AGMO: variants seen among roughly 807,000 people sequenced by gnomAD.
The protein encoded by AGMO is alkylglycerol monooxygenase.
Under a neutral mutation model 60.2 loss-of-function variants are expected in AGMO, and 75 were observed. That is an observed-to-expected ratio of 1.25 (90% CI 1.03 to 1.51). AGMO has a LOEUF of 1.51. Ranked by LOEUF, AGMO falls within the 40% of genes most tolerant of loss-of-function variation. The pLI, the probability that AGMO is intolerant of heterozygous loss-of-function variation, is 0.00. For synonymous variants in AGMO, 261 were observed against 177.1 expected, an observed-to-expected ratio of 1.47 and a Z score of -3.76; for missense variants, 763 against 525.5, an observed-to-expected ratio of 1.45 and a Z score of -4.42.
chr7:15,505,502 C>T (rs1160025998), intron 3 of AGMO, among the ~76,000 whole-genome samples: 1 of 152,024 alleles, frequency 6.6e-6, no homozygotes, highest in Non-Finnish European at 1.5e-5. Context: ...ATTCCTATAT[C>T]ATTCTAATGA....
At chr7:15,439,936 A>G (rs1209597095) in intron 3 of AGMO, among the ~76,000 whole-genome samples, 1 of 152,092 alleles carries the variant, frequency 6.6e-6, no homozygotes, top group East Asian at 1.9e-4. Context: ...CCCACACTTT[A>G]TCTAATCCCT....
chr7:15,538,816 C>T (rs751214464), intron 3 of AGMO, among the ~76,000 whole-genome samples: 1 of 152,098 alleles, frequency 6.6e-6, no homozygotes, highest in African/African-American at 2.4e-5. Context: ...ATTTAAGAGT[C>T]ATATACAGGG....
chr7:15,493,467 G>A (rs1018187870), intron 3 of AGMO, among the ~76,000 whole-genome samples: 21 of 145,326 alleles, frequency 1.4e-4, no homozygotes, highest in Non-Finnish European at 2.2e-4. Context: ...TCCGCCTCCC[G>A]GGTTCACGCC....
At chr7:15,276,957 G>C (rs1238280396) in intron 12 of AGMO, among the ~76,000 whole-genome samples, 2 of 142,750 alleles carry the variant, frequency 1.4e-5, no homozygotes, top group Non-Finnish European at 3.0e-5. Flanking sequence ...TGGTTTCTTT[G>C]TGTTGGTTTC....
intron 12 of AGMO, among the ~76,000 whole-genome samples, chr7:15,350,489 C>A (rs1272746565): frequency 6.6e-6 from 1 of 152,098 alleles, no homozygotes; most frequent in Non-Finnish European, 1.5e-5. Flanking sequence ...TCTCTGGTAG[C>A]TAGCTGCTTT....
chr7:15,153,547 T>C, the AGMO span, among the ~76,000 whole-genome samples: 3 of 152,158 alleles, frequency 2.0e-5, no homozygotes, highest in Admixed American at 2.0e-4. Context: ...TCCAGTTTCA[T>C]TCTTCTGCAT....
intron 12 of AGMO, among the ~76,000 whole-genome samples, chr7:15,295,446 T>C (rs1286398620): frequency 6.6e-6 from 1 of 151,990 alleles, no homozygotes; most frequent in African/African-American, 2.4e-5. Flanking sequence ...TTTAATATAT[T>C]AGAATACAAT....
At chr7:15,465,265 C>G (rs1782250652) in intron 3 of AGMO, among the ~76,000 whole-genome samples, 1 of 151,798 alleles carries the variant, frequency 6.6e-6, no homozygotes, top group African/African-American at 2.4e-5. Context: ...GCACTGCTCC[C>G]CAGAAACACA....
At chr7:15,511,810 A>G (rs1312738610) in intron 3 of AGMO, among the ~76,000 whole-genome samples, 1 of 152,206 alleles carries the variant, frequency 6.6e-6, no homozygotes, top group Non-Finnish European at 1.5e-5. Flanking sequence ...AACTTACAAA[A>G]CAAAAAAGAG....
rs1554274867 is a variant in AGMO, at chr7:15,459,599, T to TGTGTG, written c.410-28492_410-28491insCACAC. Among the ~76,000 whole-genome samples, 150 of 142,230 alleles carry TGTGTG rather than the reference T, an allele frequency of 1.1e-3. 3 individuals carry two copies. The highest frequency in any genetic ancestry group is 6.0e-3 in the Admixed American group (87 of 14,400). 93.3% of individuals were successfully genotyped at this position (142,230 alleles called of 152,430 possible). ...GATCTTTAAATGTGTGTATGTGCGTTTGTGTGTGTGTGTGTGTGTGTGTGT... is the reference window on the plus strand; with the variant it reads ...GATCTTTAAATGTGTGTATGTGCGTTGTGTGTGTGTGTGTGTGTGTGTGTGTGTGT... On this transcript the variant is annotated intron_variant, in intron 3 of 12. Transcript: ENST00000342526.
chr7:15,174,390 T>C, the AGMO span, among the ~76,000 whole-genome samples: 1 of 152,134 alleles, frequency 6.6e-6, no homozygotes, highest in Non-Finnish European at 1.5e-5. Flanking sequence ...TGTAATCATA[T>C]ATTACTTTTG....
intron 3 of AGMO, among the ~76,000 whole-genome samples, chr7:15,499,437 T>C (rs1045541768): frequency 1.3e-5 from 2 of 151,876 alleles, no homozygotes; most frequent in Non-Finnish European, 2.9e-5. Flanking sequence ...ACAGAGTTTA[T>C]ATGCTATTAA....
intron 6 of AGMO, among the ~76,000 whole-genome samples, chr7:15,393,742 C>T (rs989167288): frequency 1.3e-5 from 2 of 151,192 alleles, no homozygotes; most frequent in Non-Finnish European, 2.9e-5. Flanking sequence ...CACTAACTCT[C>T]TGACTATAGA....
chr7:15,354,496 GTATATATATATA>G (rs60044874), intron 12 of AGMO, among the ~76,000 whole-genome samples: 558 of 18,752 alleles, frequency 0.03, 65 homozygotes, highest in East Asian at 0.17. Context: ...ATACACACGT[GTATATATATATA>G]TATATATATA....
At chr7:15,468,205 C>G (rs956242738) in intron 3 of AGMO, among the ~76,000 whole-genome samples, 13 of 152,268 alleles carry the variant, frequency 8.5e-5, no homozygotes, top group African/African-American at 2.4e-4. Flanking sequence ...ACTGTTGTAG[C>G]TGTTACATCC....
intron 12 of AGMO, among the ~76,000 whole-genome samples, chr7:15,362,062 A>C (rs1316583910): frequency 6.6e-6 from 1 of 152,208 alleles, no homozygotes; most frequent in Non-Finnish European, 1.5e-5. Context: ...ACTCCTAGTC[A>C]GTCAGCCCTA....
At position 15,465,602 on chromosome 7, in the gene AGMO, T is replaced by TA. The variant is rs77891633; in HGVS notation, c.410-34495_410-34494insT. On this transcript the variant is annotated intron_variant, in intron 3 of 12. Coordinates refer to ENST00000342526, the MANE Select transcript of AGMO (RefSeq NM_001004320.2). Reference sequence around the variant, plus strand: ...ACGTCCGGCTAATTATATATATATATTTATATATATATATGATTTTTTTTT... The same window carrying TA: ...ACGTCCGGCTAATTATATATATATATATTATATATATATATGATTTTTTTTT... Among the ~76,000 whole-genome samples, 13 of 147,442 alleles carry TA rather than the reference T, an allele frequency of 8.8e-5. No homozygotes were observed. In the East Asian group the frequency reaches 1.2e-3, roughly 14 times the overall value.
the AGMO span, among the ~76,000 whole-genome samples, chr7:15,134,021 A>C: frequency 1.3e-5 from 2 of 152,094 alleles, no homozygotes; most frequent in African/African-American, 2.4e-5. Flanking sequence ...CGAGAGTTTG[A>C]GAACACAATT....
intron 3 of AGMO, among the ~76,000 whole-genome samples, chr7:15,481,001 T>G (rs193274929): frequency 2.3e-4 from 35 of 152,246 alleles, no homozygotes; most frequent in African/African-American, 6.7e-4. Context: ...ACAATTAATG[T>G]ATAAACATTA....
Sources: gnomAD v4.1 joint callset for allele counts (sites outside exome capture counted in the v4.1 genomes callset) on GRCh38, gnomAD v4.1.1 for gene constraint, MANE v1.5 for transcripts, NCBI Gene and HGNC (gene_info 2026-07-23, HGNC 2026-07-21) for gene names.